DSTYK: variants seen among roughly 807,000 people sequenced by gnomAD.
DSTYK encodes the protein RIP-homologous kinase.
In DSTYK, 34 loss-of-function variants were observed where a neutral mutation model predicts 98.7. That is an observed-to-expected ratio of 0.34 (90% CI 0.26 to 0.46). The LOEUF (loss-of-function observed/expected upper bound fraction) is 0.46. Among genes scored for constraint, DSTYK ranks in the 20% least tolerant of loss-of-function variants. The probability of loss-of-function intolerance (pLI) is 1.00; values close to 1 mark genes in which losing one functional copy is unlikely to be tolerated. For synonymous variants in DSTYK, 462 were observed against 457.3 expected (o/e 1.01, Z -0.13); for missense variants, 962 against 1,181.7 (o/e 0.81, Z 2.73).
Position 205,169,450 on chromosome 1 carries a change from A to G in DSTYK, c.1037T>C (p.Phe346Ser). ...QSEKLRHLST[F>S]SHQVLQTRLV... is the part of the protein sequence containing the mutation. ...GCGAGTCTGTAACACCTGGTGAGAA[A>G]ATGTGCTCAAGTGTCTCAGCTTTTC... Residue 346 changes from phenylalanine to serine, a missense_variant, in exon 3 of 13, where the codon TTT (phenylalanine) becomes TCT (serine). Physicochemically the swap from Phe to Ser is radical, Grantham distance 155. Transcript: ENST00000367162. The surrounding 1 kb of genome is among the most constrained non-coding windows in gnomAD (Gnocchi z 4.0). 1.9e-6 allele frequency: 3 copies of G among 1,614,114 alleles called. No homozygotes were observed. The highest frequency in any genetic ancestry group is 2.5e-6 in the Non-Finnish European group (3 of 1,180,020).
chr1:205,179,806 T>C, intron 2 of DSTYK, among the ~76,000 whole-genome samples: 1 of 152,118 alleles, frequency 6.6e-6, no homozygotes, highest in African/African-American at 2.4e-5. Flanking sequence ...TTAATAGTCC[T>C]AACAACAGTT....
chr1:205,171,626 T>C (rs890568037), intron 2 of DSTYK, among the ~76,000 whole-genome samples: 10 of 152,148 alleles, frequency 6.6e-5, no homozygotes, highest in African/African-American at 2.4e-4. Flanking sequence ...ATTGCACAGG[T>C]TGTTCCTCTG....
intron 2 of DSTYK, among the ~76,000 whole-genome samples, chr1:205,186,627 A>C (rs928316865): frequency 1.6e-4 from 25 of 151,880 alleles, no homozygotes; most frequent in African/African-American, 4.8e-5. Context: ...ATCCCTACCC[A>C]CTCCTGACCC....
intron 1 of DSTYK, 100 bp from the exon 2 acceptor site, chr1:205,187,906 A>G (rs1658604566): frequency 1.5e-5 from 18 of 1,225,930 alleles, no homozygotes; most frequent in Non-Finnish European, 2.0e-5. Context: ...CATGAGGAAG[A>G]CAAGGTCCTA....
At position 205,169,978 on chromosome 1, in the gene DSTYK, C is replaced by T. The variant is rs955874271; in HGVS notation, c.655-146G>A. The stretch of plus-strand genomic sequence containing the variant: ...CCAGCCATTGATCCACCTCCTTCCT[C>T]GGTTACCAACACTCCCTGGTGCAGC... On this transcript the variant is annotated intron_variant, in intron 2 of 12. Transcript: ENST00000367162. This position sits in a 1 kb window ranked among gnomAD's most constrained non-coding sequence, Gnocchi z 4.0. 1.7e-5 allele frequency: 12 copies of T among 714,548 alleles called. No individual in the cohort carries two copies. Among genetic ancestry groups the T allele is most frequent in the South Asian group, 7.8e-5 (4 of 51,560 alleles). 44.3% of individuals were successfully genotyped at this position (714,548 alleles called of 1,614,324 possible).
intron 1 of DSTYK, among the ~76,000 whole-genome samples, chr1:205,200,697 C>T (rs975298144): frequency 1.3e-5 from 2 of 152,114 alleles, no homozygotes; most frequent in African/African-American, 4.8e-5. Context: ...GTGTCCTGTG[C>T]CTAGTACAGA....
intron 12 of DSTYK, 116 bp from the exon 13 acceptor site, chr1:205,147,861 G>C: frequency 9.6e-7 from 1 of 1,041,990 alleles, no homozygotes; most frequent in South Asian, 1.7e-5. Flanking sequence ...AGAATGCAAG[G>C]AGTTTTGACT....
intron 2 of DSTYK, among the ~76,000 whole-genome samples, chr1:205,183,266 G>A (rs1658471688): frequency 6.6e-6 from 1 of 152,172 alleles, no homozygotes; most frequent in South Asian, 2.1e-4. Context: ...TAGTGAATAT[G>A]GTGAATGGTG....
rs1657991122 is a variant in DSTYK, at chr1:205,169,566, T to C, written c.921A>G (p.Leu307=). 3.7e-6 allele frequency: 6 copies of C among 1,614,048 alleles called. No individual in the cohort carries two copies. The South Asian group carries it at 5.5e-5, about 15-fold the overall frequency. ...TGCTGCTCAGATAGCCCAGGTCAAT[T>C]AGCTGGCGATAAAGCGGTGATCTTT... ...ESERSPLYRQ[L]IDLGYLSSSH... Residue 307 remains leucine (L), a synonymous_variant, in exon 3 of 13, where the codon CTA becomes CTG. Transcript: ENST00000367162. This position sits in a 1 kb window ranked among gnomAD's most constrained non-coding sequence, Gnocchi z 4.0.
chr1:205,183,999 G>A (rs147680929), intron 2 of DSTYK, among the ~76,000 whole-genome samples: 3 of 152,170 alleles, frequency 2.0e-5, no homozygotes, highest in Non-Finnish European at 2.9e-5. Flanking sequence ...AACATGAGAG[G>A]CTAGAGAATT....
chr1:205,182,616 G>C (rs1658445118), intron 2 of DSTYK, among the ~76,000 whole-genome samples: 1 of 151,222 alleles, frequency 6.6e-6, no homozygotes, highest in African/African-American at 2.4e-5. Context: ...GACCAGCCTG[G>C]CCAACATGGC....
intron 1 of DSTYK, 53 bp downstream of exon 1, chr1:205,211,218 C>G (rs1254981906): frequency 1.7e-5 from 26 of 1,531,692 alleles, no homozygotes; most frequent in Non-Finnish European, 2.3e-5. Flanking sequence ...GGGTGCGGTC[C>G]GTCCTCCGAT....
chr1:205,145,599 GCT>G lies in DSTYK; in HGVS notation c.*1957_*1958del, dbSNP rs1657207219. ...GCTGGAGTGCAGTGGCGTGATCTCG[GCT>G]CACCATGACCTCTGCCTCCCGGGTT... On this transcript the variant is annotated 3_prime_UTR_variant, in exon 13 of 13. Coordinates refer to ENST00000367162, the MANE Select transcript of DSTYK (RefSeq NM_015375.3). 1 of 149,632 alleles carries G rather than the reference GCT, an allele frequency of 6.7e-6. No individual in the cohort carries two copies. The highest frequency in any genetic ancestry group is 1.5e-5 in the Non-Finnish European group (1 of 67,718). 9.3% of individuals were successfully genotyped at this position (149,632 alleles called of 1,614,324 possible). A position where few individuals can be genotyped will look rare whatever the true frequency, so the allele number is the denominator to read the frequency against.
chr1:205,153,718 G>T (rs568366913), intron 10 of DSTYK, among the ~76,000 whole-genome samples: 2 of 152,110 alleles, frequency 1.3e-5, no homozygotes, highest in African/African-American at 4.8e-5. Flanking sequence ...GTGTGTGTGT[G>T]TGGCAGGGTC....
At chr1:205,201,405 CAAAAA>C (rs67120994) in intron 1 of DSTYK, among the ~76,000 whole-genome samples, 5 of 95,480 alleles carry the variant, frequency 5.2e-5, no homozygotes, top group South Asian at 3.8e-4. Flanking sequence ...TTTTTTAATG[CAAAAA>C]AAAAAAAAAA....
rs771169377 is a variant in DSTYK at position 205,153,867 on chromosome 1, CT to C, written c.2353-3074del. Among the ~76,000 whole-genome samples the C allele has an allele frequency of 4.2e-3, 559 of 132,654 alleles. 2 individuals carry two copies. The highest frequency in any genetic ancestry group is 3.9e-3 in the Middle Eastern group (1 of 258). 87.0% of individuals were successfully genotyped at this position (132,654 alleles called of 152,430 possible). The stretch of plus-strand genomic sequence containing the variant: ...TACAGGCATGCACACGCCTGGCTAA[CT>C]TTTTTTTTTTTTTTTTTGTATTTTC... On this transcript the variant is annotated intron_variant, in intron 10 of 12. Transcript: ENST00000367162.
intron 10 of DSTYK, among the ~76,000 whole-genome samples, chr1:205,153,855 A>C (rs902549634): frequency 4.1e-5 from 6 of 146,124 alleles, no homozygotes; most frequent in Non-Finnish European, 7.5e-5. Context: ...AGGCATGCAC[A>C]CGCCTGGCTA....
At chr1:205,198,279 T>C (rs1658926977) in intron 1 of DSTYK, among the ~76,000 whole-genome samples, 2 of 152,222 alleles carry the variant, frequency 1.3e-5, no homozygotes, top group African/African-American at 4.8e-5. Flanking sequence ...CCCTTATGTT[T>C]ATTAGTGGTA....
intron 9 of DSTYK, 91 bp from the exon 10 acceptor site, chr1:205,157,477 T>C (rs1045755223): frequency 2.9e-5 from 32 of 1,097,302 alleles, no homozygotes; most frequent in Non-Finnish European, 4.1e-6. Flanking sequence ...GAAAAGTGAT[T>C]TTTAAAAAGG....
Sources: gnomAD v4.1 joint callset for allele counts (sites outside exome capture counted in the v4.1 genomes callset) on GRCh38, gnomAD v4.1.1 for gene constraint, Gnocchi (gnomAD v3.1) non-coding constraint, MANE v1.5 for transcripts, NCBI Gene and HGNC (gene_info 2026-07-23, HGNC 2026-07-21) for gene names.